The following GNAL variants were observed in gnomAD, a reference collection of about 807,000 sequenced individuals.
GNAL encodes guanine nucleotide-binding protein G(olf) subunit alpha.
Under a neutral mutation model 55.1 loss-of-function variants are expected in GNAL, and 18 were observed. The ratio of observed to expected loss-of-function variants is 0.33; its 90% CI spans 0.23 to 0.48. The LOEUF is 0.48. Among genes scored for constraint, GNAL ranks in the 20% least tolerant of loss-of-function variants. The pLI, the probability that GNAL is intolerant of heterozygous loss-of-function variation, is 0.99. For missense variants in GNAL, 412 were observed against 614.1 expected, an observed-to-expected ratio of 0.67 and a Z score of 3.48; for synonymous variants, 253 against 237.0, an observed-to-expected ratio of 1.07 and a Z score of -0.62.
intron 4 of GNAL, among the ~76,000 whole-genome samples, chr18:11,803,931 T>C (rs570413106): frequency 1.3e-3 from 198 of 149,962 alleles, no homozygotes; most frequent in African/African-American, 4.7e-3. Context: ...AACACGGAGA[T>C]ACTATGTAGT....
chr18:11,745,121 G>GT (rs887548133), intron 1 of GNAL, among the ~76,000 whole-genome samples: 1 of 150,252 alleles, frequency 6.7e-6, no homozygotes, highest in Non-Finnish European at 1.5e-5. Flanking sequence ...TCTATCTATT[G>GT]TTTTTTTATT....
intron 4 of GNAL, among the ~76,000 whole-genome samples, chr18:11,819,395 T>G (rs957319113): frequency 6.6e-6 from 1 of 152,192 alleles, no homozygotes; most frequent in African/African-American, 2.4e-5. Flanking sequence ...TAAACTTTAG[T>G]TTAAATGTTG....
In GNAL at chr18:11,735,949, CT is replaced by C. The variant is rs1337964615; in HGVS notation, c.377-16903del. ...TATCGGATGCCTTCGAGCCCTCCCC[CT>C]GTTCATATACAAGAATCTATTAACA... On this transcript the variant is annotated intron_variant, in intron 1 of 11. Coordinates refer to ENST00000334049, the MANE Select transcript of GNAL (RefSeq NM_182978.4). 4.6e-5 allele frequency among the ~76,000 whole-genome samples: 7 copies of C among 152,134 alleles called. No homozygotes were observed. The East Asian group carries it at 1.2e-3, about 25-fold the overall frequency.
rs751514673 is a variant in GNAL, at chr18:11,881,019, C to G, written c.1261C>G (p.His421Asp). ...CAGCACGGCCACCGGTGACGGCAAA[C>G]ATTACTGCTACCCGCACTTCACCTG... Reference protein sequence around the residue: ...RISTATGDGKHYCYPHFTCAV... With the variant: ...RISTATGDGKDYCYPHFTCAV... The change falls in exon 12 of 12, where the codon CAT becomes GAT. Residue 421 changes from histidine to aspartate, a missense_variant. Transcript: ENST00000334049. This position sits in a 1 kb window ranked among gnomAD's most constrained non-coding sequence, Gnocchi z 4.8. 1 of 1,614,164 alleles carries G rather than the reference C, an allele frequency of 6.2e-7. No individual in the cohort carries two copies.
At chr18:11,764,867 C>G (rs1440684021) in intron 4 of GNAL, among the ~76,000 whole-genome samples, 2 of 152,156 alleles carry the variant, frequency 1.3e-5, no homozygotes. Flanking sequence ...GCAGGCATAT[C>G]TATGAAAGCT....
intron 1 of GNAL, among the ~76,000 whole-genome samples, chr18:11,729,046 CAT>C (rs2032276908): frequency 1.3e-5 from 2 of 152,038 alleles, no homozygotes; most frequent in South Asian, 4.2e-4. Flanking sequence ...TCTCCAGCAT[CAT>C]ATTTTTGATT....
chr18:11,822,671 C>T (rs554855787), intron 4 of GNAL, among the ~76,000 whole-genome samples: 5 of 152,312 alleles, frequency 3.3e-5, no homozygotes, highest in Admixed American at 3.3e-4. Flanking sequence ...CCTCTAGCCA[C>T]ATGCCTGTTA....
At chr18:11,877,137 G>T (rs1053759803) in intron 11 of GNAL, among the ~76,000 whole-genome samples, 6 of 152,124 alleles carry the variant, frequency 3.9e-5, no homozygotes, top group African/African-American at 1.4e-4. Flanking sequence ...TACATATGAG[G>T]CAGAAGATTT....
chr18:11,692,410 C>T (rs564135009), intron 1 of GNAL, among the ~76,000 whole-genome samples: 3 of 152,322 alleles, frequency 2.0e-5, no homozygotes, highest in Non-Finnish European at 4.4e-5. Flanking sequence ...TCAACAGGGA[C>T]GCGGGCTGAG....
intron 5 of GNAL, among the ~76,000 whole-genome samples, chr18:11,829,617 C>T (rs965392297): frequency 1.3e-5 from 2 of 152,200 alleles, no homozygotes; most frequent in African/African-American, 4.8e-5. Flanking sequence ...CCACGAGACT[C>T]GTGTGTCTTG....
chr18:11,872,907 C>T (rs377737933), intron 10 of GNAL, among the ~76,000 whole-genome samples: 29 of 152,248 alleles, frequency 1.9e-4, no homozygotes, highest in South Asian at 6.2e-4. Flanking sequence ...TGGCAGCAGC[C>T]GCGCTTATCT....
At chr18:11,873,727 T>C (rs532817759) in intron 10 of GNAL, among the ~76,000 whole-genome samples, 9 of 152,386 alleles carry the variant, frequency 5.9e-5, no homozygotes, top group Admixed American at 5.9e-4. Flanking sequence ...CATCAGAGCA[T>C]GGCTTCTGCT....
chr18:11,866,132 T>C (rs1380719183), intron 7 of GNAL, among the ~76,000 whole-genome samples: 1 of 150,190 alleles, frequency 6.7e-6, no homozygotes, highest in Non-Finnish European at 1.5e-5. Context: ...GCGTGACTTG[T>C]GGTTTTGCCC....
At chr18:11,766,771 A>G (rs895298403) in intron 4 of GNAL, among the ~76,000 whole-genome samples, 1 of 152,224 alleles carries the variant, frequency 6.6e-6, no homozygotes, top group Non-Finnish European at 1.5e-5. Flanking sequence ...GAACGATTTT[A>G]TTAGACAACC....
In GNAL at chr18:11,882,620, A is replaced by AGAT. The variant is rs1199375595; in HGVS notation, c.*1486_*1488dup. ...AGAATCTCTTGAACCTGGGAGGTGG[A>AGAT]GATTGCAGTGAGCCGAGGTCGTGCC... On this transcript the variant is annotated 3_prime_UTR_variant, in exon 12 of 12. Transcript: ENST00000334049. The AGAT allele has an allele frequency of 7.3e-4, 105 of 143,244 alleles. No homozygotes were observed. The highest frequency in any genetic ancestry group is 2.6e-3 in the African/African-American group (102 of 38,582). 8.9% of individuals were successfully genotyped at this position (143,244 alleles called of 1,614,324 possible). A position where few individuals can be genotyped will look rare whatever the true frequency, so the allele number is the denominator to read the frequency against.
rs575451578 is a variant in GNAL, at chr18:11,881,451, T to C, written c.*316T>C. The C allele has an allele frequency of 4.1e-6, 1 of 244,536 alleles. No homozygotes were observed. The highest frequency in any genetic ancestry group is 7.9e-5 in the East Asian group (1 of 12,696). The allele number at this position is 244,536 out of a possible 1,614,324, so 15.1% of individuals were successfully genotyped here. ...GATTCATCGAGGAGAACTTGGTAGA[T>C]GGGGAGAAAACACAGTTGGTTTTTT... On this transcript the variant is annotated 3_prime_UTR_variant, in exon 12 of 12. Coordinates refer to ENST00000334049, the MANE Select transcript of GNAL (RefSeq NM_182978.4). The surrounding 1 kb of genome is among the most constrained non-coding windows in gnomAD (Gnocchi z 4.8).
rs1214905239 is a variant in GNAL, at chr18:11,881,722, A to C, written c.*587A>C. 2.6e-5 allele frequency: 4 copies of C among 152,592 alleles called. No homozygotes were observed. The highest frequency in any genetic ancestry group is 9.7e-5 in the African/African-American group (4 of 41,434). The allele number at this position is 152,592 out of a possible 1,614,324, so 9.5% of individuals were successfully genotyped here. ...CTACTTTGAGCCTCTTAGGCAGAAA[A>C]CCTACCACATTCACTACTGCAAAAT... On this transcript the variant is annotated 3_prime_UTR_variant, in exon 12 of 12. Coordinates refer to ENST00000334049, the MANE Select transcript of GNAL (RefSeq NM_182978.4). This position sits in a 1 kb window ranked among gnomAD's most constrained non-coding sequence, Gnocchi z 4.8.
intron 6 of GNAL, among the ~76,000 whole-genome samples, chr18:11,864,086 CTTTT>C (rs3981355): frequency 2.3e-5 from 3 of 129,044 alleles, no homozygotes; most frequent in Non-Finnish European, 1.6e-5. Context: ...CGTCTGAGTT[CTTTT>C]TTTTTTTTTT....
Position 11,884,380 on chromosome 18 carries a change from T to C in GNAL, c.*3245T>C. On this transcript the variant is annotated 3_prime_UTR_variant, in exon 12 of 12. Transcript: ENST00000334049. ...TAATTGGTCTCATCATCCACTTGAT[T>C]CTAACATGATCTCTGCCCAAAGTTC... 6.6e-7 allele frequency: 1 copy of C among 1,521,234 alleles called. No individual in the cohort carries two copies. Among genetic ancestry groups the C allele is most frequent in the African/African-American group, 1.4e-5 (1 of 72,842 alleles). 94.2% of individuals were successfully genotyped at this position (1,521,234 alleles called of 1,614,324 possible).
Sources: gnomAD v4.1 joint callset for allele counts (sites outside exome capture counted in the v4.1 genomes callset) on GRCh38, gnomAD v4.1.1 for gene constraint, Gnocchi (gnomAD v3.1) non-coding constraint, MANE v1.5 for transcripts, NCBI Gene and HGNC (gene_info 2026-07-23, HGNC 2026-07-21) for gene names.